MAPK10: variants seen among roughly 807,000 people sequenced by gnomAD.
The protein encoded by MAPK10 is JNK3 alpha protein kinase.
MAPK10 carries 25 observed loss-of-function variants against 59.3 expected under a neutral mutation model. That is an observed-to-expected ratio of 0.42 (90% CI 0.31 to 0.59). The LOEUF is 0.59. Among genes scored for constraint, MAPK10 ranks in the 20% least tolerant of loss-of-function variants. MAPK10 has a pLI of 0.15. For synonymous variants in MAPK10, 190 were observed against 200.5 expected, an observed-to-expected ratio of 0.95 and a Z score of 0.44; for missense variants, 351 against 568.9, an observed-to-expected ratio of 0.62 and a Z score of 3.90.
At chr4:86,466,299 T>C (rs1466360247) in intron 1 of MAPK10, among the ~76,000 whole-genome samples, 1 of 152,208 alleles carries the variant, frequency 6.6e-6, no homozygotes, top group Non-Finnish European at 1.5e-5. Flanking sequence ...TAAGGGGACA[T>C]TTAGCTTAAA....
intron 1 of MAPK10, among the ~76,000 whole-genome samples, chr4:86,581,190 A>G (rs1352178399): frequency 6.6e-6 from 1 of 152,148 alleles, no homozygotes; most frequent in Non-Finnish European, 1.5e-5. Flanking sequence ...CTAGCAGACA[A>G]TCAGAGGGTT....
intron 1 of MAPK10, among the ~76,000 whole-genome samples, chr4:86,445,283 G>A (rs1749903557): frequency 6.6e-6 from 1 of 152,194 alleles, no homozygotes; most frequent in African/African-American, 2.4e-5. Flanking sequence ...CATGAATGGA[G>A]CTGGAAGCCA....
chr4:86,433,525 T>C (rs1019498142), intron 1 of MAPK10, among the ~76,000 whole-genome samples: 4 of 150,832 alleles, frequency 2.7e-5, no homozygotes, highest in Non-Finnish European at 5.9e-5. Flanking sequence ...TGGTCCAGGA[T>C]CAAAATATTA....
intron 2 of MAPK10, among the ~76,000 whole-genome samples, chr4:86,313,920 T>C (rs1282821474): frequency 2.0e-5 from 3 of 151,952 alleles, no homozygotes; most frequent in Non-Finnish European, 4.4e-5. Context: ...GAGCCAAAAC[T>C]AGAAGCAACA....
intron 2 of MAPK10, among the ~76,000 whole-genome samples, chr4:86,304,025 G>C (rs1021848373): frequency 6.6e-6 from 1 of 152,114 alleles, no homozygotes; most frequent in Admixed American, 6.6e-5. Context: ...TCCAAGTCTT[G>C]AACGGTTTAT....
At chr4:86,235,097 T>C (rs2092073213) in intron 2 of MAPK10, among the ~76,000 whole-genome samples, 1 of 152,194 alleles carries the variant, frequency 6.6e-6, no homozygotes, top group Admixed American at 6.5e-5. Context: ...CATCTGTGTT[T>C]TTTGCACAAA....
At chr4:86,459,862 C>T (rs973592980) in intron 1 of MAPK10, among the ~76,000 whole-genome samples, 5 of 151,514 alleles carry the variant, frequency 3.3e-5, no homozygotes, top group African/African-American at 9.7e-5. Flanking sequence ...AAATCATCAC[C>T]GAAGAACTTA....
At chr4:86,400,891 T>G (rs1469810538) in intron 1 of MAPK10, among the ~76,000 whole-genome samples, 3 of 152,144 alleles carry the variant, frequency 2.0e-5, no homozygotes, top group African/African-American at 7.2e-5. Flanking sequence ...TTAAAAGAAT[T>G]TTATTAAATC....
At chr4:86,431,686 C>T (rs1748065029) in intron 1 of MAPK10, among the ~76,000 whole-genome samples, 1 of 152,172 alleles carries the variant, frequency 6.6e-6, no homozygotes, top group South Asian at 2.1e-4. Context: ...TAGAAACAAG[C>T]ACTTCAAGGG....
chr4:86,132,661 C>T (rs1438978784), intron 4 of MAPK10, among the ~76,000 whole-genome samples: 1 of 152,216 alleles, frequency 6.6e-6, no homozygotes, highest in Non-Finnish European at 1.5e-5. Context: ...CTCACCATGA[C>T]TCACATTACA....
intron 1 of MAPK10, among the ~76,000 whole-genome samples, chr4:86,481,961 G>A (rs1208461026): frequency 6.6e-6 from 1 of 152,112 alleles, no homozygotes; most frequent in African/African-American, 2.4e-5. Flanking sequence ...AATTCTAAAG[G>A]AAAAGCCACT....
chr4:86,548,343 C>T (rs1377073290), intron 1 of MAPK10, among the ~76,000 whole-genome samples: 3 of 152,142 alleles, frequency 2.0e-5, no homozygotes, highest in Non-Finnish European at 4.4e-5. Context: ...AACGAACAAA[C>T]TCCGGACATG....
chr4:86,475,603 C>G (rs1280697215), intron 1 of MAPK10, among the ~76,000 whole-genome samples: 3 of 152,132 alleles, frequency 2.0e-5, no homozygotes, highest in Non-Finnish European at 2.9e-5. Context: ...TGCGGGGATG[C>G]CTGCCTGATT....
chr4:86,225,847 AAT>A (rs1252552711), intron 2 of MAPK10, among the ~76,000 whole-genome samples: 1 of 152,220 alleles, frequency 6.6e-6, no homozygotes, highest in East Asian at 1.9e-4. Context: ...CTCTCTCTCC[AAT>A]ACATTCTCCA....
intron 1 of MAPK10, among the ~76,000 whole-genome samples, chr4:86,450,199 A>G (rs1750541211): frequency 1.3e-5 from 2 of 152,242 alleles, no homozygotes; most frequent in Non-Finnish European, 2.9e-5. Context: ...GCACATTACA[A>G]CTACAAACAG....
chr4:86,256,787 C>T (rs1285868609), intron 2 of MAPK10, among the ~76,000 whole-genome samples: 6 of 131,156 alleles, frequency 4.6e-5, no homozygotes, highest in Admixed American at 1.8e-4. Context: ...GTCGCCCAGG[C>T]TGGAGTACAG....
intron 1 of MAPK10, among the ~76,000 whole-genome samples, chr4:86,540,074 G>A (rs1758554302): frequency 6.6e-6 from 1 of 152,258 alleles, no homozygotes; most frequent in South Asian, 2.1e-4. Context: ...ATAACAATTA[G>A]ATTAATACTG....
intron 1 of MAPK10, among the ~76,000 whole-genome samples, chr4:86,585,713 C>T (rs1016696455): frequency 5.9e-5 from 9 of 152,102 alleles, no homozygotes; most frequent in Non-Finnish European, 1.3e-4. Context: ...TGGCAGGTTC[C>T]CCTTTTAATA....
At chr4:86,133,361 T>C (rs1234878585) in intron 4 of MAPK10, among the ~76,000 whole-genome samples, 1 of 152,242 alleles carries the variant, frequency 6.6e-6, no homozygotes. Flanking sequence ...TTTTTACAAT[T>C]TGTGATTTGT....
Sources: allele counts gnomAD v4.1 joint callset (sites outside exome capture counted in the v4.1 genomes callset), GRCh38; gene constraint gnomAD v4.1.1; transcripts MANE v1.5; gene names NCBI Gene and HGNC (gene_info 2026-07-23, HGNC 2026-07-21).